Variants in CAV3 observed in about 807,000 individuals in gnomAD.
CAV3 encodes the protein caveolin 3, also known as caveolin-3.
CAV3 carries 10 observed loss-of-function variants against 13.4 expected under a neutral mutation model. The observed-to-expected ratio is 0.75, with a 90% CI of 0.46 to 1.27. The LOEUF is 1.27. Among genes scored for constraint, CAV3 ranks in the 50% most tolerant of loss-of-function variants. The probability of loss-of-function intolerance (pLI) is 0.00; values close to 1 mark genes in which losing one functional copy is unlikely to be tolerated. For synonymous variants in CAV3, 90 were observed against 79.0 expected (o/e 1.14, Z -0.74); for missense variants, 162 against 194.0 (o/e 0.83, Z 0.98).
chr3:8,735,690 A>C (rs1167699188), intron 1 of CAV3, among the ~76,000 whole-genome samples: 3 of 152,150 alleles, frequency 2.0e-5, no homozygotes, highest in Non-Finnish European at 2.9e-5. Context: ...GTCCAAACCC[A>C]ACACAATCTG....
At chr3:8,738,239 G>T (rs1707829496) in intron 1 of CAV3, among the ~76,000 whole-genome samples, 1 of 152,134 alleles carries the variant, frequency 6.6e-6, no homozygotes, top group Non-Finnish European at 1.5e-5. Flanking sequence ...TAGGATCCCA[G>T]CCTCTCCATG....
intron 1 of CAV3, among the ~76,000 whole-genome samples, chr3:8,735,575 T>C (rs149564111): frequency 1.2e-3 from 176 of 152,346 alleles, no homozygotes; most frequent in African/African-American, 3.6e-3. Context: ...ACTAGCCACA[T>C]TTCAAGCGCT....
chr3:8,741,971 C>G (rs1575472944), intron 1 of CAV3, among the ~76,000 whole-genome samples: 2 of 152,292 alleles, frequency 1.3e-5, no homozygotes, highest in Admixed American at 1.3e-4. Context: ...CCCTCCAGCC[C>G]CTCTCTCCAA....
intron 1 of CAV3, among the ~76,000 whole-genome samples, chr3:8,735,351 T>C (rs11713611): frequency 0.1 from 15,763 of 152,270 alleles, 941 homozygotes; most frequent in Non-Finnish European, 0.14. Context: ...AAGTTTGAAA[T>C]CCAGTGTGCT....
At chr3:8,736,722 G>A (rs1475555086) in intron 1 of CAV3, among the ~76,000 whole-genome samples, 1 of 152,216 alleles carries the variant, frequency 6.6e-6, no homozygotes. Context: ...GCTGAGAGCT[G>A]TCCTCTCCTG....
At chr3:8,738,919 CAGA>C (rs1463389162) in intron 1 of CAV3, among the ~76,000 whole-genome samples, 2 of 152,170 alleles carry the variant, frequency 1.3e-5, no homozygotes, top group African/African-American at 2.4e-5. Flanking sequence ...GCTCTGTCTG[CAGA>C]AGAATAATGA....
At chr3:8,742,407 CACAT>C (rs943540631) in intron 1 of CAV3, 2 of 354,998 alleles carry the variant, frequency 5.6e-6, no homozygotes, top group Admixed American at 3.8e-5. Context: ...AATTAAAAGA[CACAT>C]ACAGAAGCCA....
In CAV3 at chr3:8,746,598, C is replaced by G. The variant is rs1211731482; in HGVS notation, c.*731C>G. ...TACCACTGAGGGAAGGGCCTGGGTT[C>G]AAGCCTCCCGGAACCTCCCCTTTGG... On this transcript the variant is annotated 3_prime_UTR_variant, in exon 2 of 2. Coordinates refer to ENST00000343849, the MANE Select transcript of CAV3 (RefSeq NM_033337.3). The G allele has an allele frequency of 6.6e-6, 1 of 152,080 alleles. No individual in the cohort carries two copies. The highest frequency in any genetic ancestry group is 1.5e-5 in the Non-Finnish European group (1 of 68,030). 9.4% of individuals were successfully genotyped at this position (152,080 alleles called of 1,614,324 possible). A position where few individuals can be genotyped will look rare whatever the true frequency, so the allele number is the denominator to read the frequency against.
At chr3:8,738,850 T>A (rs1388286631) in intron 1 of CAV3, among the ~76,000 whole-genome samples, 1 of 152,154 alleles carries the variant, frequency 6.6e-6, no homozygotes, top group Non-Finnish European at 1.5e-5. Flanking sequence ...ACAGCACTGC[T>A]CCATGGAAGC....
chr3:8,740,481 G>A (rs978340298), intron 1 of CAV3, among the ~76,000 whole-genome samples: 21 of 152,322 alleles, frequency 1.4e-4, no homozygotes, highest in African/African-American at 4.1e-4. Context: ...GCAGAAGAGC[G>A]GATGGGAAGG....
intron 1 of CAV3, 71 bp downstream of exon 1, chr3:8,734,061 A>C (rs1032079246): frequency 1.6e-5 from 13 of 827,980 alleles, no homozygotes; most frequent in Admixed American, 1.5e-4. Flanking sequence ...TTGGCAGGGG[A>C]GGGTATCTGC....
intron 1 of CAV3, among the ~76,000 whole-genome samples, chr3:8,744,445 A>ATTTTTTTTTTTTTTT (rs141816229): frequency 5.4e-5 from 6 of 111,410 alleles, no homozygotes; most frequent in African/African-American, 1.2e-4. Context: ...TACCCGGCTA[A>ATTTTTTTTTTTTTTT]TTTTTTTTTT....
At position 8,745,824 on chromosome 3, in the gene CAV3, A is replaced by G. The variant is rs1559655357; in HGVS notation, c.413A>G (p.Gln138Arg). Residue 138 changes from glutamine to arginine, a missense_variant, in exon 2 of 2, where the codon CAG becomes CGG. Physicochemically the swap from Gln to Arg is conservative, Grantham distance 43 (BLOSUM62 1). Transcript: ENST00000343849. The surrounding 1 kb of genome is among the most constrained non-coding windows in gnomAD (Gnocchi z 4.8). ...FCNPLFAALG[Q>R]VCSSIKVVLR... ...AACCCACTCTTCGCGGCCCTGGGCC[A>G]GGTCTGCAGCAGCATCAAGGTGGTG... 4 of 1,613,760 alleles carry G rather than the reference A, an allele frequency of 2.5e-6. No individual in the cohort carries two copies. The highest frequency in any genetic ancestry group is 3.4e-6 in the Non-Finnish European group (4 of 1,180,022).
intron 1 of CAV3, among the ~76,000 whole-genome samples, chr3:8,737,085 GA>G (rs1707783096): frequency 6.6e-6 from 1 of 152,122 alleles, no homozygotes; most frequent in Non-Finnish European, 1.5e-5. Context: ...ATCGATGGAG[GA>G]AAAGAGAGAT....
At chr3:8,741,721 C>T (rs932811141) in intron 1 of CAV3, among the ~76,000 whole-genome samples, 10 of 152,136 alleles carry the variant, frequency 6.6e-5, no homozygotes, top group Non-Finnish European at 1.0e-4. Flanking sequence ...TGGATGCCTA[C>T]GGACTGAGTC....
intron 1 of CAV3, among the ~76,000 whole-genome samples, chr3:8,737,078 G>A (rs933326271): frequency 1.3e-5 from 2 of 152,110 alleles, no homozygotes; most frequent in Non-Finnish European, 2.9e-5. Flanking sequence ...TTTTGCCATC[G>A]ATGGAGGAAA....
chr3:8,746,022 A>T lies in CAV3; in HGVS notation c.*155A>T. On this transcript the variant is annotated 3_prime_UTR_variant, in exon 2 of 2. Transcript: ENST00000343849. Reference sequence around the variant, plus strand: ...ACACGGTGTAGGGAAGCCAGAAAGAAAAGACGGCCCAGCCACAGAAGCACA... The same window carrying T: ...ACACGGTGTAGGGAAGCCAGAAAGATAAGACGGCCCAGCCACAGAAGCACA... The T allele has an allele frequency of 1.6e-6, 1 of 624,714 alleles. No homozygotes were observed. The allele number at this position is 624,714 out of a possible 1,614,324, so 38.7% of individuals were successfully genotyped here.
At chr3:8,741,982 C>A (rs1290073770) in intron 1 of CAV3, among the ~76,000 whole-genome samples, 1 of 152,228 alleles carries the variant, frequency 6.6e-6, no homozygotes, top group African/African-American at 2.4e-5. Context: ...CTCTCTCCAA[C>A]TGCACACAGT....
intron 1 of CAV3, among the ~76,000 whole-genome samples, chr3:8,744,086 C>T (rs1373566632): frequency 6.6e-6 from 1 of 152,086 alleles, no homozygotes; most frequent in Non-Finnish European, 1.5e-5. Context: ...TTAGTCTGTA[C>T]CTGCATCCAC....
Sources: allele counts gnomAD v4.1 joint callset (sites outside exome capture counted in the v4.1 genomes callset), GRCh38; gene constraint gnomAD v4.1.1; non-coding constraint Gnocchi (gnomAD v3.1); transcripts MANE v1.5; gene names NCBI Gene and HGNC (gene_info 2026-07-23, HGNC 2026-07-21).